The following NRXN3 variants were observed in gnomAD, a reference collection of about 807,000 sequenced individuals.
NRXN3 encodes neurexin III.
In NRXN3, 32 loss-of-function variants were observed where a neutral mutation model predicts 137.6. That is an observed-to-expected ratio of 0.23 (90% confidence interval 0.18 to 0.31). NRXN3 has a LOEUF of 0.31. Ranked by LOEUF, NRXN3 falls within the 10% of genes least tolerant of loss-of-function variation. The probability of loss-of-function intolerance (pLI) is 1.00; values close to 1 mark genes in which losing one functional copy is unlikely to be tolerated. For synonymous variants in NRXN3, 798 were observed against 784.5 expected (o/e 1.02, Z -0.29); for missense variants, 1,574 against 2,062.5 (o/e 0.76, Z 4.59).
At chr14:78,581,929 A>C (rs2097002439) in intron 4 of NRXN3, among the ~76,000 whole-genome samples, 1 of 152,236 alleles carries the variant, frequency 6.6e-6, no homozygotes, top group Non-Finnish European at 1.5e-5. Context: ...TAGGGCTTAA[A>C]TGTTCTCAGC....
At chr14:78,467,418 A>G (rs1459893897) in intron 4 of NRXN3, among the ~76,000 whole-genome samples, 3 of 152,256 alleles carry the variant, frequency 2.0e-5, no homozygotes, top group Non-Finnish European at 2.9e-5. Context: ...ATGAAGCAGT[A>G]TTAATTTAAT....
At chr14:79,189,246 A>G (rs1568547500) in intron 15 of NRXN3, among the ~76,000 whole-genome samples, 1 of 152,058 alleles carries the variant, frequency 6.6e-6, no homozygotes, top group African/African-American at 2.4e-5. Context: ...AGGGACATGG[A>G]TGAAACTGGA....
At chr14:79,443,868 A>G (rs2096009925) in intron 15 of NRXN3, among the ~76,000 whole-genome samples, 1 of 152,236 alleles carries the variant, frequency 6.6e-6, no homozygotes, top group Non-Finnish European at 1.5e-5. Context: ...TCCTTAGAAT[A>G]CTTCCCCACT....
chr14:78,981,372 C>T (rs1041805369), intron 14 of NRXN3, among the ~76,000 whole-genome samples: 2 of 152,160 alleles, frequency 1.3e-5, no homozygotes, highest in African/African-American at 4.8e-5. Flanking sequence ...TACACACATC[C>T]GTGAGAGGTT....
chr14:78,579,627 C>T (rs533975253), intron 4 of NRXN3, among the ~76,000 whole-genome samples: 33 of 152,044 alleles, frequency 2.2e-4, no homozygotes, highest in Non-Finnish European at 3.8e-4. Flanking sequence ...GCCTTCTCAT[C>T]ACCCTCTTCA....
Position 78,243,810 on chromosome 14 carries a change from C to T in NRXN3, c.709+8C>T, listed in dbSNP as rs1475805980. 6.5e-7 allele frequency: 1 copy of T among 1,548,754 alleles called. No individual in the cohort carries two copies. Among genetic ancestry groups the T allele is most frequent in the South Asian group, 1.2e-5 (1 of 81,832 alleles). Reference sequence around the variant, plus strand: ...GCAAGCTCTGCTCAGAAGGTAAGACCCTCTCCCTCTCTTGCTAGAGACCCA... The same window carrying T: ...GCAAGCTCTGCTCAGAAGGTAAGACTCTCTCCCTCTCTTGCTAGAGACCCA... On this transcript the variant is annotated splice_region_variant and intron_variant, in intron 2 of 20. Transcript: ENST00000335750. The surrounding 1 kb of genome is among the most constrained non-coding windows in gnomAD (Gnocchi z 4.2).
chr14:79,097,323 G>A (rs775738911), intron 15 of NRXN3, among the ~76,000 whole-genome samples: 7 of 152,228 alleles, frequency 4.6e-5, no homozygotes, highest in South Asian at 2.1e-4. Context: ...GGAGTTTGGC[G>A]GCTGCTAATA....
chr14:78,915,345 C>CAAAAAAAAAAAAAAAAAAAAAAAAAAAA (rs35908076), intron 10 of NRXN3, among the ~76,000 whole-genome samples: 1 of 11,196 alleles, frequency 8.9e-5, no homozygotes, highest in African/African-American at 2.8e-4. Context: ...ACGTGTGAAG[C>CAAAAAAAAAAAAAAAAAAAAAAAAAAAA]AAAAAAAAAA....
intron 16 of NRXN3, among the ~76,000 whole-genome samples, chr14:79,575,781 G>A (rs1043147204): frequency 6.6e-5 from 10 of 152,114 alleles, no homozygotes; most frequent in African/African-American, 2.4e-4. Flanking sequence ...TTTTCATGCA[G>A]AAATCGGGGA....
At chr14:79,652,399 G>T (rs560549844) in intron 16 of NRXN3, among the ~76,000 whole-genome samples, 12,109 of 152,012 alleles carry the variant, frequency 0.08, 1,622 homozygotes, top group African/African-American at 0.28. Flanking sequence ...TAAACTCATG[G>T]ATAATTTGTG....
intron 15 of NRXN3, among the ~76,000 whole-genome samples, chr14:79,058,499 T>TA (rs1297910117): frequency 5.8e-4 from 88 of 152,232 alleles, no homozygotes; most frequent in African/African-American, 1.9e-3. Flanking sequence ...TATATATATA[T>TA]TTTTAATATT....
At chr14:79,502,822 C>CT (rs932323911) in intron 16 of NRXN3, among the ~76,000 whole-genome samples, 20 of 150,740 alleles carry the variant, frequency 1.3e-4, no homozygotes, top group Non-Finnish European at 1.9e-4. Context: ...CTTTGCTTGG[C>CT]TTTTTTTTTC....
chr14:78,533,676 TTC>T (rs1444042013), intron 4 of NRXN3, among the ~76,000 whole-genome samples: 1 of 152,226 alleles, frequency 6.6e-6, no homozygotes, highest in East Asian at 1.9e-4. Context: ...TTTGCCTATT[TTC>T]TTAGTTAACT....
At chr14:79,367,754 C>T (rs1262902003) in intron 15 of NRXN3, among the ~76,000 whole-genome samples, 3 of 152,136 alleles carry the variant, frequency 2.0e-5, no homozygotes, top group Non-Finnish European at 4.4e-5. Flanking sequence ...TATAACCACA[C>T]CAAGATCATT....
chr14:79,412,792 A>AAAAG (rs1555431890), intron 15 of NRXN3, among the ~76,000 whole-genome samples: 28 of 150,624 alleles, frequency 1.9e-4, no homozygotes, highest in African/African-American at 6.6e-4. Flanking sequence ...CAAAAAAAAA[A>AAAAG]AAAAAAAAAA....
chr14:78,727,982 G>C (rs1032080280), intron 8 of NRXN3, among the ~76,000 whole-genome samples: 32 of 152,166 alleles, frequency 2.1e-4, no homozygotes, highest in Non-Finnish European at 8.8e-5. Flanking sequence ...AACTATTCCA[G>C]TGCTTATAAT....
intron 2 of NRXN3, among the ~76,000 whole-genome samples, chr14:78,270,019 A>G (rs2072458835): frequency 6.6e-6 from 1 of 152,182 alleles, no homozygotes; most frequent in Non-Finnish European, 1.5e-5. Flanking sequence ...TTAGTTCTTT[A>G]TAATGCTTAC....
At chr14:79,298,472 C>T (rs1026647820) in intron 15 of NRXN3, among the ~76,000 whole-genome samples, 28 of 152,026 alleles carry the variant, frequency 1.8e-4, no homozygotes, top group Admixed American at 1.7e-3. Context: ...AGGGAGACCA[C>T]GGTTCTGCAG....
At chr14:78,877,049 G>C (rs556783388) in intron 10 of NRXN3, among the ~76,000 whole-genome samples, 58 of 152,222 alleles carry the variant, frequency 3.8e-4, no homozygotes, top group African/African-American at 1.4e-3. Flanking sequence ...TTCTTCACTT[G>C]GTGTTCAGAA....
Sources: gnomAD v4.1 joint callset for allele counts (sites outside exome capture counted in the v4.1 genomes callset) on GRCh38, gnomAD v4.1.1 for gene constraint, Gnocchi (gnomAD v3.1) non-coding constraint, MANE v1.5 for transcripts, NCBI Gene and HGNC (gene_info 2026-07-23, HGNC 2026-07-21) for gene names.